PIGL: variants seen among roughly 807,000 people sequenced by gnomAD.
PIGL encodes the protein phosphatidylinositol glycan anchor biosynthesis class L.
A neutral mutation model predicts 31.1 loss-of-function variants in PIGL; 22 were observed. That is an observed-to-expected ratio of 0.71 (90% CI 0.51 to 1.01). PIGL has a LOEUF of 1.01. Among genes scored for constraint, PIGL ranks in the 50% least tolerant of loss-of-function variants. The pLI, the probability that PIGL is intolerant of heterozygous loss-of-function variation, is 0.00. For synonymous variants in PIGL, 131 were observed against 117.4 expected, an observed-to-expected ratio of 1.12 and a Z score of -0.75; for missense variants, 302 against 315.9, an observed-to-expected ratio of 0.96 and a Z score of 0.33.
At chr17:16,270,208 G>A (rs2092864787) in intron 2 of PIGL, among the ~76,000 whole-genome samples, 2 of 151,242 alleles carry the variant, frequency 1.3e-5, no homozygotes, top group Admixed American at 1.3e-4. Flanking sequence ...AGAATTGCTT[G>A]AACCCAGGAG....
chr17:16,297,128 G>A (rs546173635), intron 2 of PIGL, among the ~76,000 whole-genome samples: 2 of 152,306 alleles, frequency 1.3e-5, no homozygotes, highest in East Asian at 3.9e-4. Flanking sequence ...AAACTTGAAC[G>A]TGTGACCAAG....
chr17:16,233,952 G>C lies in PIGL; in HGVS notation c.236-19G>C. The stretch of plus-strand genomic sequence containing the variant: ...TGTTAAAAAAAAAAAATCTACCACT[G>C]TATATTTGTTACCCTCAGGAAATTA... On this transcript the variant is annotated intron_variant, in intron 1 of 6. Transcript: ENST00000225609. 1.4e-6 allele frequency: 2 copies of C among 1,402,862 alleles called. No homozygotes were observed. The highest frequency in any genetic ancestry group is 2.0e-6 in the Non-Finnish European group (2 of 990,828). 86.9% of individuals were successfully genotyped at this position (1,402,862 alleles called of 1,614,324 possible).
At chr17:16,239,943 T>C (rs2092715810) in intron 2 of PIGL, among the ~76,000 whole-genome samples, 2 of 152,048 alleles carry the variant, frequency 1.3e-5, no homozygotes, top group Admixed American at 1.3e-4. Flanking sequence ...TTCGTAGAGA[T>C]GGGTTCTCCC....
intron 1 of PIGL, among the ~76,000 whole-genome samples, chr17:16,229,858 A>ATTTTTTTTTTTTTTT (rs71150280): frequency 1.0e-5 from 1 of 97,700 alleles, no homozygotes; most frequent in African/African-American, 4.3e-5. Flanking sequence ...TAAAGTCATG[A>ATTTTTTTTTTTTTTT]TTTTTTTTTT....
intron 2 of PIGL, chr17:16,279,666 T>A (rs1399722826): frequency 1.3e-5 from 2 of 152,234 alleles, no homozygotes; most frequent in African/African-American, 4.8e-5. Flanking sequence ...GATTGTCATA[T>A]CTCAGACTGA....
chr17:16,228,309 C>T (rs370251629), intron 1 of PIGL, among the ~76,000 whole-genome samples: 16 of 151,998 alleles, frequency 1.1e-4, no homozygotes, highest in African/African-American at 2.7e-4. Flanking sequence ...CCACCTTCCT[C>T]GGCCTCCCAA....
intron 2 of PIGL, among the ~76,000 whole-genome samples, chr17:16,253,983 A>G (rs940111062): frequency 7.9e-5 from 12 of 151,572 alleles, no homozygotes; most frequent in African/African-American, 4.8e-5. Context: ...ACCCCAATCT[A>G]TGTCTCTCCT....
chr17:16,257,416 T>TAA lies in PIGL; in HGVS notation c.335+23354_335+23355dup, dbSNP rs35030168. On this transcript the variant is annotated intron_variant, in intron 2 of 6. Coordinates refer to ENST00000225609, the MANE Select transcript of PIGL (RefSeq NM_004278.4). ...TGGGCGACAAGAGTAAAACTCCATCTAAAAAAAAAGAAAAACCCAAACAAA... is the reference window on the plus strand; with the variant it reads ...TGGGCGACAAGAGTAAAACTCCATCTAAAAAAAAAAAGAAAAACCCAAACAAA... Among the ~76,000 whole-genome samples, 952 of 150,324 alleles carry TAA rather than the reference T, an allele frequency of 6.3e-3. 17 individuals carry two copies. Among genetic ancestry groups the TAA allele is most frequent in the African/African-American group, 0.022 (885 of 40,954 alleles).
chr17:16,307,217 C>T (rs1047896152), intron 3 of PIGL, among the ~76,000 whole-genome samples: 1 of 152,144 alleles, frequency 6.6e-6, no homozygotes, highest in African/African-American at 2.4e-5. Context: ...GGCCAGAAGC[C>T]GGTCTCCTCA....
chr17:16,270,218 G>A (rs1157182122), intron 2 of PIGL, among the ~76,000 whole-genome samples: 2 of 151,830 alleles, frequency 1.3e-5, no homozygotes, highest in African/African-American at 4.8e-5. Context: ...GAACCCAGGA[G>A]GCGGAGGTTG....
intron 2 of PIGL, among the ~76,000 whole-genome samples, chr17:16,260,754 C>G (rs1160889465): frequency 6.6e-6 from 1 of 152,130 alleles, no homozygotes; most frequent in African/African-American, 2.4e-5. Context: ...TGCTCACCCT[C>G]TAGTTGTCCG....
At chr17:16,314,240 T>C (rs187102017) in intron 4 of PIGL, among the ~76,000 whole-genome samples, 2 of 152,330 alleles carry the variant, frequency 1.3e-5, no homozygotes, top group Admixed American at 1.3e-4. Flanking sequence ...GTGCTTCTCC[T>C]GGGCCCCTGA....
intron 2 of PIGL, among the ~76,000 whole-genome samples, chr17:16,285,441 C>T (rs1246592794): frequency 6.6e-6 from 1 of 152,126 alleles, no homozygotes; most frequent in Non-Finnish European, 1.5e-5. Flanking sequence ...AAAAATTAGC[C>T]AGGCGCGGTG....
At chr17:16,310,400 A>C (rs112716030) in intron 3 of PIGL, among the ~76,000 whole-genome samples, 83 of 151,976 alleles carry the variant, frequency 5.5e-4, no homozygotes, top group African/African-American at 1.9e-3. Flanking sequence ...TCTCAAGATG[A>C]TCCTTCTAAC....
At chr17:16,309,356 A>G (rs1600852539) in intron 3 of PIGL, among the ~76,000 whole-genome samples, 1 of 152,258 alleles carries the variant, frequency 6.6e-6, no homozygotes, top group Non-Finnish European at 1.5e-5. Flanking sequence ...TAAAGCGAGC[A>G]TAAAAGCAGT....
intron 4 of PIGL, 37 bp from the exon 5 acceptor site, chr17:16,316,644 C>T (rs2142870277): frequency 6.4e-7 from 1 of 1,559,362 alleles, no homozygotes; most frequent in Non-Finnish European, 8.8e-7. Flanking sequence ...AGGAAATGAT[C>T]CTTACTCCTC....
intron 6 of PIGL, among the ~76,000 whole-genome samples, chr17:16,318,292 C>T (rs1308242476): frequency 3.4e-5 from 5 of 149,066 alleles, no homozygotes; most frequent in South Asian, 2.1e-4. Context: ...TTTTTTGAGA[C>T]GGAGTTTTGC....
At chr17:16,279,007 G>A (rs2092906521) in intron 2 of PIGL, among the ~76,000 whole-genome samples, 1 of 152,178 alleles carries the variant, frequency 6.6e-6, no homozygotes, top group Non-Finnish European at 1.5e-5. Flanking sequence ...GGGTTTCAGG[G>A]TAGAGCGCTT....
intron 3 of PIGL, among the ~76,000 whole-genome samples, chr17:16,304,506 C>G (rs1470645433): frequency 2.0e-5 from 3 of 152,166 alleles, no homozygotes; most frequent in African/African-American, 4.8e-5. Context: ...GCCTATAATC[C>G]TAGCACTTTG....
Sources: gnomAD v4.1 joint callset for allele counts (sites outside exome capture counted in the v4.1 genomes callset) on GRCh38, gnomAD v4.1.1 for gene constraint, MANE v1.5 for transcripts, NCBI Gene and HGNC (gene_info 2026-07-23, HGNC 2026-07-21) for gene names.